The following CCDC69 variants were observed in gnomAD, a reference collection of about 807,000 sequenced individuals.
CCDC69 encodes coiled-coil domain containing 69, also known as coiled-coil domain-containing protein 69.
CCDC69 carries 38 observed loss-of-function variants against 40.3 expected under a neutral mutation model. The ratio of observed to expected loss-of-function variants is 0.94; its 90% CI spans 0.73 to 1.24. The LOEUF (loss-of-function observed/expected upper bound fraction) is 1.24, where lower values mean the gene tolerates loss of function less well. Among genes scored for constraint, CCDC69 ranks in the 50% most tolerant of loss-of-function variants. CCDC69 has a pLI of 0.00. For synonymous variants in CCDC69, 141 were observed against 138.9 expected (o/e 1.02, Z -0.11); for missense variants, 389 against 357.9 (o/e 1.09, Z -0.70).
rs561228158 is a variant in CCDC69 at position 151,185,481 on chromosome 5, C to G, written c.556G>C (p.Glu186Gln). ...TCATGAATACGCTCATTCTTCATCTCGATGACAAAGTGTAAGCTCTCCAGC... is the reference window on the plus strand; with the variant it reads ...TCATGAATACGCTCATTCTTCATCTGGATGACAAAGTGTAAGCTCTCCAGC... The part of the protein sequence containing the change: ...QELESLHFVI[E>Q]MKNERIHELD... The change falls in exon 7 of 9, where the codon GAG becomes CAG. Residue 186 changes from glutamate (E) to glutamine (Q), a missense_variant. By Grantham distance (29) the Glu-to-Gln change is conservative (BLOSUM62 2). Transcript: ENST00000355417. 1.2e-6 allele frequency: 2 copies of G among 1,613,892 alleles called. No individual in the cohort carries two copies. Among genetic ancestry groups the G allele is most frequent in the African/African-American group, 1.3e-5 (1 of 74,910 alleles).
Position 151,183,231 on chromosome 5 carries a change from A to T in CCDC69, c.*206T>A, listed in dbSNP as rs746651333. ...ATTCCCTTGGCCAACTCAAGGGAAG[A>T]CGCTTCTCGGGGCCTCCAAAACCCT... is the stretch of plus-strand genomic sequence containing the variant. On this transcript the variant is annotated 3_prime_UTR_variant, in exon 9 of 9. Coordinates refer to ENST00000355417, the MANE Select transcript of CCDC69 (RefSeq NM_015621.3). 29 of 704,614 alleles carry T rather than the reference A, an allele frequency of 4.1e-5. 1 individual carries two copies. In the South Asian group the frequency reaches 4.3e-4, roughly 11 times the overall value. 43.6% of individuals were successfully genotyped at this position (704,614 alleles called of 1,614,324 possible).
chr5:151,196,360 T>C (rs1752699719), intron 4 of CCDC69, among the ~76,000 whole-genome samples: 1 of 152,164 alleles, frequency 6.6e-6, no homozygotes, highest in African/African-American at 2.4e-5. Context: ...GGTTTCATCA[T>C]GTTGGCCAGG....
rs1752742750 is a variant in CCDC69 at position 151,199,076 on chromosome 5, C to T, written c.240G>A (p.Lys80=). The stretch of plus-strand genomic sequence containing the variant: ...TGTCTCGAAGCTCTAGCTCCCTTTC[C>T]TTCTCCACCTGGGGGCAGAGAGTCC... ...EKKKWAQQVE[K]ERELELRDRL... Residue 80 remains lysine (K), a synonymous_variant, in exon 4 of 9, where the codon AAG becomes AAA. Transcript: ENST00000355417. 5 of 1,613,666 alleles carry T rather than the reference C, an allele frequency of 3.1e-6. No homozygotes were observed. The highest frequency in any genetic ancestry group is 1.7e-5 in the Admixed American group (1 of 60,002).
chr5:151,187,285 G>C, intron 5 of CCDC69, 101 bp downstream of exon 5: 1 of 974,144 alleles, frequency 1.0e-6, no homozygotes, highest in Non-Finnish European at 1.6e-6. Context: ...CTCACTCCTA[G>C]GCACACGTAA....
At position 151,223,917 on chromosome 5, in the gene CCDC69, C is replaced by G. The variant is rs771127255; in HGVS notation, c.48+6G>C. ...GAAAGCAAACTTCTCCGCCGGCGCC[C>G]TTTACCTTTTTCGGGGGTTTGCAGC... On this transcript the variant is annotated splice_donor_region_variant and intron_variant, in intron 1 of 8. Transcript: ENST00000355417. The G allele has an allele frequency of 1.3e-6, 2 of 1,587,342 alleles. No individual in the cohort carries two copies. The highest frequency in any genetic ancestry group is 2.5e-5 in the East Asian group (1 of 39,892).
chr5:151,220,293 T>C (rs1753115700), intron 1 of CCDC69, among the ~76,000 whole-genome samples: 1 of 152,182 alleles, frequency 6.6e-6, no homozygotes, highest in Non-Finnish European at 1.5e-5. Flanking sequence ...TTTCATCTAA[T>C]CTTTAGAACA....
At chr5:151,222,229 A>G (rs1304007347) in intron 1 of CCDC69, among the ~76,000 whole-genome samples, 1 of 152,244 alleles carries the variant, frequency 6.6e-6, no homozygotes, top group Non-Finnish European at 1.5e-5. Context: ...GCGTCAGCCC[A>G]GGTAGTACCC....
At chr5:151,214,288 G>C (rs935089240) in intron 1 of CCDC69, among the ~76,000 whole-genome samples, 1 of 152,212 alleles carries the variant, frequency 6.6e-6, no homozygotes, top group African/African-American at 2.4e-5. Flanking sequence ...ACCACAGTCA[G>C]AGCCTATTGG....
At chr5:151,211,518 CTTTT>C (rs774546814) in intron 1 of CCDC69, among the ~76,000 whole-genome samples, 3 of 108,766 alleles carry the variant, frequency 2.8e-5, no homozygotes, top group Non-Finnish European at 5.4e-5. Context: ...TTTGCATCTG[CTTTT>C]TTTTTTTTTT....
chr5:151,217,507 A>G (rs548147653), intron 1 of CCDC69, among the ~76,000 whole-genome samples: 14 of 152,242 alleles, frequency 9.2e-5, no homozygotes, highest in Non-Finnish European at 1.8e-4. Context: ...GCTGAAAACA[A>G]CAGAAATGTA....
chr5:151,186,208 C>T (rs1349797816), intron 5 of CCDC69, 84 bp from the exon 6 acceptor site: 8 of 938,606 alleles, frequency 8.5e-6, no homozygotes, highest in East Asian at 7.2e-5. Flanking sequence ...AGAGGGAGAA[C>T]GGTTTTGGGT....
rs1203295410 is a variant in CCDC69, at chr5:151,182,591, G to A, written c.*846C>T. 5.9e-6 allele frequency: 1 copy of A among 168,808 alleles called. No individual in the cohort carries two copies. The allele number at this position is 168,808 out of a possible 1,614,324, so 10.5% of individuals were successfully genotyped here. Reference sequence around the variant, plus strand: ...ACTCTGGGAACTGCTCCATGCCTTGGTTTCCTCATCTGTGCAGGGATGAGG... The same window carrying A: ...ACTCTGGGAACTGCTCCATGCCTTGATTTCCTCATCTGTGCAGGGATGAGG... On this transcript the variant is annotated 3_prime_UTR_variant, in exon 9 of 9. Transcript: ENST00000355417.
chr5:151,214,323 C>T (rs933462532), intron 1 of CCDC69, among the ~76,000 whole-genome samples: 1 of 152,086 alleles, frequency 6.6e-6, no homozygotes, highest in Non-Finnish European at 1.5e-5. Context: ...AGGAAGGAGG[C>T]GGGGAGTGTG....
Position 151,224,062 on chromosome 5 carries a change from C to G in CCDC69, c.-92G>C. 8.5e-7 allele frequency: 1 copy of G among 1,175,786 alleles called. No individual in the cohort carries two copies. Among genetic ancestry groups the G allele is most frequent in the East Asian group, 3.0e-5 (1 of 33,876 alleles). The allele number at this position is 1,175,786 out of a possible 1,614,324, so 72.8% of individuals were successfully genotyped here. On this transcript the variant is annotated 5_prime_UTR_variant, in exon 1 of 9. Transcript: ENST00000355417. Reference sequence around the variant, plus strand: ...GCCCCGCTGCCCGCTCCGCGCCCGCCGGCTGGGGCTGCCGGCGAGACCCTG... The same window carrying G: ...GCCCCGCTGCCCGCTCCGCGCCCGCGGGCTGGGGCTGCCGGCGAGACCCTG...
In CCDC69 at chr5:151,184,422, A is replaced by C; in HGVS notation, c.635T>G (p.Leu212Trp). The change falls in exon 8 of 9, where the codon TTG becomes TGG. Residue 212 changes from leucine to tryptophan, a missense_variant. Leu to Trp is a moderately conservative substitution (Grantham distance 61, BLOSUM62 -2). Coordinates refer to ENST00000355417, the MANE Select transcript of CCDC69 (RefSeq NM_015621.3). ...TTGCAGGGTCGTAATTTTTTCCTCCAATATCAGATTTTTCTCTTTCTATAA... is the reference window on the plus strand; with the variant it reads ...TTGCAGGGTCGTAATTTTTTCCTCCCATATCAGATTTTTCTCTTTCTATAA... ...METVKEKNLILEEKITTLQQE... is the reference protein window; with the variant it reads ...METVKEKNLIWEEKITTLQQE... 1 of 1,613,522 alleles carries C rather than the reference A, an allele frequency of 6.2e-7. No homozygotes were observed. The highest frequency in any genetic ancestry group is 1.1e-5 in the South Asian group (1 of 91,078).
intron 4 of CCDC69, among the ~76,000 whole-genome samples, chr5:151,190,201 C>T (rs1371739695): frequency 6.6e-6 from 1 of 152,088 alleles, no homozygotes; most frequent in Admixed American, 6.6e-5. Flanking sequence ...ACTGTTCTTC[C>T]CTTGAGCTCT....
intron 8 of CCDC69, 38 bp from the exon 9 acceptor site, chr5:151,183,652 A>G (rs1166554019): frequency 6.4e-7 from 1 of 1,556,852 alleles, no homozygotes; most frequent in Non-Finnish European, 8.7e-7. Context: ...GCCTACTGGG[A>G]GCAGCTGCCA....
At chr5:151,223,799 C>T (rs1019958538) in intron 1 of CCDC69, 124 bp downstream of exon 1, 9 of 938,928 alleles carry the variant, frequency 9.6e-6, no homozygotes, top group Non-Finnish European at 1.6e-6. Flanking sequence ...GCTGGCCTCT[C>T]CAGGTTCTCC....
intron 2 of CCDC69, 51 bp from the exon 3 acceptor site, chr5:151,201,739 A>G: frequency 8.3e-7 from 1 of 1,209,112 alleles, no homozygotes; most frequent in South Asian, 1.3e-5. Context: ...ACAGAGTGGA[A>G]GTACAGTCAG....
Sources: gnomAD v4.1 joint callset for allele counts (sites outside exome capture counted in the v4.1 genomes callset) on GRCh38, gnomAD v4.1.1 for gene constraint, MANE v1.5 for transcripts, NCBI Gene and HGNC (gene_info 2026-07-23, HGNC 2026-07-21) for gene names.